RHOJ: variants seen among roughly 807,000 people sequenced by gnomAD.
The protein encoded by RHOJ is rho-related GTP-binding protein RhoJ.
In RHOJ, 11 loss-of-function variants were observed where a neutral mutation model predicts 23.4. The ratio of observed to expected loss-of-function variants is 0.47; its 90% CI spans 0.30 to 0.78. The LOEUF (loss-of-function observed/expected upper bound fraction) is 0.78. Ranked by LOEUF, RHOJ falls within the 30% of genes least tolerant of loss-of-function variation. The pLI, the probability that RHOJ is intolerant of heterozygous loss-of-function variation, is 0.08. For synonymous variants in RHOJ, 102 were observed against 102.7 expected (o/e 0.99, Z 0.04); for missense variants, 254 against 273.4 (o/e 0.93, Z 0.50).
intron 1 of RHOJ, among the ~76,000 whole-genome samples, chr14:63,255,662 G>T (rs1294444337): frequency 6.8e-6 from 1 of 146,722 alleles, no homozygotes; most frequent in Non-Finnish European, 1.5e-5. Context: ...CCTGCTTGCC[G>T]CCCTGTCTCA....
chr14:63,251,235 C>A (rs1439284589), intron 1 of RHOJ, among the ~76,000 whole-genome samples: 2 of 152,128 alleles, frequency 1.3e-5, no homozygotes, highest in African/African-American at 2.4e-5. Context: ...GATGCCCTAG[C>A]ACCCAGCTTT....
chr14:63,254,248 T>A (rs529721815), intron 1 of RHOJ, among the ~76,000 whole-genome samples: 3 of 152,238 alleles, frequency 2.0e-5, no homozygotes, highest in Non-Finnish European at 4.4e-5. Flanking sequence ...AATTGATCAG[T>A]TTCAATTCAA....
intron 1 of RHOJ, among the ~76,000 whole-genome samples, chr14:63,258,718 T>C (rs1895223161): frequency 6.6e-6 from 1 of 152,138 alleles, no homozygotes. Flanking sequence ...AAGCAAAGCT[T>C]CAAGGCTGTG....
Position 63,283,203 on chromosome 14 carries a change from A to ACC in RHOJ, c.485_486insCC (p.Lys162AsnfsTer18). On this transcript the variant is annotated frameshift_variant, in exon 4 of 5. Coordinates refer to ENST00000316754, the MANE Select transcript of RHOJ (RefSeq NM_020663.5). LOFTEE classifies it high-confidence loss of function. ...CCTCTCACTTACGAGCATGGTGTGA[A>ACC]GCTCGCAAAAGCGGTACAGTCAGAT... 6.2e-7 allele frequency: 1 copy of ACC among 1,612,896 alleles called. No homozygotes were observed. The highest frequency in any genetic ancestry group is 8.5e-7 in the Non-Finnish European group (1 of 1,178,928).
intron 1 of RHOJ, among the ~76,000 whole-genome samples, chr14:63,234,388 C>A (rs1373377520): frequency 6.6e-6 from 1 of 152,150 alleles, no homozygotes; most frequent in Non-Finnish European, 1.5e-5. Context: ...TCTTTGCATC[C>A]CTGCTCCTAA....
chr14:63,288,294 C>T, intron 4 of RHOJ: 1 of 985,438 alleles, frequency 1.0e-6, no homozygotes, highest in Non-Finnish European at 1.2e-6. Context: ...TGGGGAGTGC[C>T]CTGCCCCTCC....
chr14:63,284,391 G>C, intron 4 of RHOJ: 2 of 975,600 alleles, frequency 2.1e-6, no homozygotes, highest in Non-Finnish European at 2.4e-6. Flanking sequence ...AGGATCCTAA[G>C]TACTTAATAA....
chr14:63,223,266 T>C (rs1056793302), intron 1 of RHOJ, among the ~76,000 whole-genome samples: 1 of 152,210 alleles, frequency 6.6e-6, no homozygotes, highest in Admixed American at 6.5e-5. Flanking sequence ...GGTCCTGTTA[T>C]CCTCTATCTC....
chr14:63,251,116 A>G (rs1895063102), intron 1 of RHOJ, among the ~76,000 whole-genome samples: 1 of 152,114 alleles, frequency 6.6e-6, no homozygotes, highest in Non-Finnish European at 1.5e-5. Flanking sequence ...ATTCCCCTTG[A>G]GTCCTGTTTT....
At chr14:63,263,794 C>T (rs955177949) in intron 1 of RHOJ, among the ~76,000 whole-genome samples, 1 of 152,094 alleles carries the variant, frequency 6.6e-6, no homozygotes, top group African/African-American at 2.4e-5. Context: ...TTAACAAAGC[C>T]ATCAGAATGA....
At position 63,269,898 on chromosome 14, in the gene RHOJ, C is replaced by T. The variant is rs117488571; in HGVS notation, c.237+730C>T. The stretch of plus-strand genomic sequence containing the variant: ...CTGTCTTTCCCAGCATCCCACACAT[C>T]GCTACGAAGTTTCTCAAGTTCTAAT... On this transcript the variant is annotated intron_variant, in intron 2 of 4. Transcript: ENST00000316754. Among the ~76,000 whole-genome samples the T allele has an allele frequency of 4.1e-4, 63 of 152,306 alleles. 2 individuals carry two copies. The East Asian group carries it at 0.011, about 27-fold the overall frequency.
intron 3 of RHOJ, 21 bp downstream of exon 3, chr14:63,281,156 AG>A: frequency 6.3e-7 from 1 of 1,588,078 alleles, no homozygotes; most frequent in Non-Finnish European, 8.6e-7. Context: ...GGGCGATGGC[AG>A]GGTGGAGCGG....
At chr14:63,279,196 C>G (rs536228897) in intron 2 of RHOJ, among the ~76,000 whole-genome samples, 1 of 152,254 alleles carries the variant, frequency 6.6e-6, no homozygotes, top group African/African-American at 2.4e-5. Context: ...AGTAGTCATG[C>G]CCCTAATAAA....
At chr14:63,262,805 C>G (rs749073356) in intron 1 of RHOJ, among the ~76,000 whole-genome samples, 1 of 152,214 alleles carries the variant, frequency 6.6e-6, no homozygotes, top group African/African-American at 2.4e-5. Flanking sequence ...CTGGGGTATA[C>G]TGGGCATGGA....
intron 1 of RHOJ, among the ~76,000 whole-genome samples, chr14:63,217,403 C>A (rs958577219): frequency 2.6e-5 from 4 of 152,018 alleles, no homozygotes; most frequent in Non-Finnish European, 5.9e-5. Context: ...CATGTCCCTA[C>A]AAAGGACATA....
chr14:63,282,682 G>GAA (rs199732507), intron 3 of RHOJ, among the ~76,000 whole-genome samples: 7 of 73,128 alleles, frequency 9.6e-5, no homozygotes, highest in Non-Finnish European at 1.7e-4. Flanking sequence ...TTGGAAAAGC[G>GAA]AAAAAAAAAA....
chr14:63,252,143 C>G (rs772385319), intron 1 of RHOJ, among the ~76,000 whole-genome samples: 15 of 152,212 alleles, frequency 9.9e-5, no homozygotes, highest in Non-Finnish European at 1.9e-4. Context: ...AATCAAGGAG[C>G]CAGCAGACCT....
At position 63,292,505 on chromosome 14, in the gene RHOJ, T is replaced by C. The variant is rs1882282969; in HGVS notation, c.*1481T>C. ...TATAAGTGCCCTGGAATCACCCAGG[T>C]AGGCACTTAATTTTTTTTTCAGTTG... On this transcript the variant is annotated 3_prime_UTR_variant, in exon 5 of 5. Coordinates refer to ENST00000316754, the MANE Select transcript of RHOJ (RefSeq NM_020663.5). 2.0e-5 allele frequency: 3 copies of C among 152,228 alleles called. No individual in the cohort carries two copies. Among genetic ancestry groups the C allele is most frequent in the Non-Finnish European group, 4.4e-5 (3 of 68,044 alleles). 9.4% of individuals were successfully genotyped at this position (152,228 alleles called of 1,614,324 possible).
intron 1 of RHOJ, among the ~76,000 whole-genome samples, chr14:63,259,591 G>A (rs1895237896): frequency 6.6e-6 from 1 of 152,178 alleles, no homozygotes; most frequent in African/African-American, 2.4e-5. Flanking sequence ...TACAAATTCT[G>A]AGAACATACT....
Sources: allele counts gnomAD v4.1 joint callset (sites outside exome capture counted in the v4.1 genomes callset), GRCh38; gene constraint gnomAD v4.1.1; transcripts MANE v1.5; gene names NCBI Gene and HGNC (gene_info 2026-07-23, HGNC 2026-07-21).